RECQL5: variants seen among roughly 807,000 people sequenced by gnomAD.
The protein encoded by RECQL5 is RecQ like helicase 5.
A neutral mutation model predicts 103.4 loss-of-function variants in RECQL5; 88 were observed. That is an observed-to-expected ratio of 0.85 (90% CI 0.72 to 1.02). The LOEUF (loss-of-function observed/expected upper bound fraction) is 1.02, where lower values mean the gene tolerates loss of function less well. Among genes scored for constraint, RECQL5 ranks in the 50% least tolerant of loss-of-function variants. The probability of loss-of-function intolerance (pLI) is 0.00; values close to 1 mark genes in which losing one functional copy is unlikely to be tolerated. For synonymous variants in RECQL5, 552 were observed against 507.9 expected (o/e 1.09, Z -1.17); for missense variants, 1,232 against 1,284.3 (o/e 0.96, Z 0.62).
intron 8 of RECQL5, chr17:75,633,570 C>A: frequency 8.0e-7 from 1 of 1,255,534 alleles, no homozygotes; most frequent in Admixed American, 2.6e-5. Context: ...CAAGGGCCTC[C>A]CCAGGGACTG....
chr17:75,652,889 C>A (rs1345169267), intron 7 of RECQL5, among the ~76,000 whole-genome samples: 1 of 152,194 alleles, frequency 6.6e-6, no homozygotes, highest in Non-Finnish European at 1.5e-5. Context: ...CCCCCAAAGC[C>A]CCTCTCACAA....
At chr17:75,632,242 T>A (rs2059231541) in intron 8 of RECQL5, among the ~76,000 whole-genome samples, 1 of 152,238 alleles carries the variant, frequency 6.6e-6, no homozygotes, top group African/African-American at 2.4e-5. Context: ...GATATGTGAA[T>A]ACCACTGTGT....
intron 12 of RECQL5, 24 bp downstream of exon 12, chr17:75,630,755 G>A: frequency 6.3e-7 from 1 of 1,583,402 alleles, no homozygotes. Flanking sequence ...CCGGCGGGTG[G>A]CTGAGGAGCT....
chr17:75,631,117 G>T (rs910749607), intron 10 of RECQL5, 33 bp downstream of exon 10: 1 of 1,611,072 alleles, frequency 6.2e-7, no homozygotes, highest in African/African-American at 1.3e-5. Flanking sequence ...GCCACCAGGG[G>T]CCCCACACAG....
At chr17:75,659,355 C>T (rs2059669468) in intron 6 of RECQL5, among the ~76,000 whole-genome samples, 3 of 152,002 alleles carry the variant, frequency 2.0e-5, no homozygotes, top group South Asian at 2.1e-4. Context: ...CCACTGTGCC[C>T]GGCCTTGTTT....
chr17:75,666,729 A>T, intron 1 of RECQL5, 158 bp from the exon 2 acceptor site: 1 of 670,070 alleles, frequency 1.5e-6, no homozygotes, highest in Non-Finnish European at 2.5e-6. Flanking sequence ...TGCCTCAAGC[A>T]ATACATTCCT....
chr17:75,629,604 C>T (rs1465197990), intron 15 of RECQL5, 104 bp downstream of exon 15: 2 of 1,512,366 alleles, frequency 1.3e-6, no homozygotes, highest in Non-Finnish European at 8.9e-7. Context: ...CAGGCAGGAC[C>T]CTGGTGGGGA....
intron 10 of RECQL5, 42 bp downstream of exon 10, chr17:75,631,108 C>A (rs771032813): frequency 1.2e-6 from 2 of 1,609,740 alleles, no homozygotes; most frequent in Non-Finnish European, 1.7e-6. Context: ...GAGCAGGGGG[C>A]CACCAGGGGC....
At chr17:75,665,226 T>A in intron 2 of RECQL5, 54 bp from the exon 3 acceptor site, 1 of 1,534,720 alleles carries the variant, frequency 6.5e-7, no homozygotes, top group Non-Finnish European at 8.9e-7. Flanking sequence ...TTCATTGAAG[T>A]TGTTGAAAAT....
intron 8 of RECQL5, among the ~76,000 whole-genome samples, chr17:75,645,729 C>T (rs1362354998): frequency 3.9e-5 from 6 of 152,184 alleles, no homozygotes; most frequent in African/African-American, 9.7e-5. Context: ...TAGTTAAGAA[C>T]GACTGTTCTA....
At chr17:75,649,615 G>C (rs1166736493) in intron 8 of RECQL5, 4 of 985,368 alleles carry the variant, frequency 4.1e-6, no homozygotes, top group East Asian at 1.1e-4. Flanking sequence ...CTATTCTTAG[G>C]AAGCAAATAT....
At chr17:75,649,924 A>G (rs1355532663) in intron 8 of RECQL5, 1 of 985,426 alleles carries the variant, frequency 1.0e-6, no homozygotes, top group African/African-American at 1.7e-5. Flanking sequence ...AGGAGAAATG[A>G]AGGCAGAGGC....
intron 8 of RECQL5, chr17:75,646,181 G>C (rs1315892846): frequency 3.0e-3 from 1 of 332 alleles, no homozygotes; most frequent in Non-Finnish European, 0.015. Flanking sequence ...GAAGCCTCAG[G>C]GGGGGAGCAA....
Position 75,629,211 on chromosome 17 carries a change from C to T in RECQL5, c.2212G>A (p.Gly738Ser). ...PEKKAKSSSG[G>S]SSLAKGRASK... is the part of the protein sequence containing the mutation. ...GCCCGGCCCTTGGCAAGGGAGCTGC[C>T]CCCAGAGGAACTTTTTGCCTTCTTC... The change falls in exon 16 of 20, where the codon GGC (glycine) becomes AGC (serine). Residue 738 changes from glycine to serine, a missense_variant. By Grantham distance (56) the Gly-to-Ser change is moderately conservative (BLOSUM62 0). Coordinates refer to ENST00000317905, the MANE Select transcript of RECQL5 (RefSeq NM_004259.7). 1 of 1,613,328 alleles carries T rather than the reference C, an allele frequency of 6.2e-7. No homozygotes were observed. Among genetic ancestry groups the T allele is most frequent in the South Asian group, 1.1e-5 (1 of 91,078 alleles).
At position 75,630,232 on chromosome 17, in the gene RECQL5, G is replaced by A. The variant is rs867557060; in HGVS notation, c.1764C>T (p.Phe588=). The change falls in exon 14 of 20, where the codon TTC becomes TTT. Residue 588 remains phenylalanine, a synonymous_variant. Transcript: ENST00000317905. ...AGAGGTTGGCCACCTTGGCGTTCCG[G>A]AATGTCTCATGTTCCAGCTCCACGG... ...AKAVELEHET[F]RNAKVANLYK... is the part of the protein sequence containing the mutation. 6.4e-7 allele frequency: 1 copy of A among 1,561,692 alleles called. No homozygotes were observed. The highest frequency in any genetic ancestry group is 1.2e-5 in the South Asian group (1 of 84,670).
intron 8 of RECQL5, chr17:75,647,441 AG>A: frequency 6.5e-7 from 1 of 1,550,156 alleles, no homozygotes; most frequent in Non-Finnish European, 8.7e-7. Context: ...CCCTGGGACC[AG>A]GGGGGCCTGG....
intron 8 of RECQL5, among the ~76,000 whole-genome samples, chr17:75,635,289 C>T (rs1455109115): frequency 1.3e-5 from 2 of 152,140 alleles, no homozygotes; most frequent in Non-Finnish European, 2.9e-5. Flanking sequence ...GGGGTCGGGG[C>T]ACAGCGGTGA....
At chr17:75,639,083 G>A (rs1256829589) in intron 8 of RECQL5, 1 of 152,326 alleles carries the variant, frequency 6.6e-6, no homozygotes, top group Admixed American at 6.5e-5. Flanking sequence ...CAATTGCAGG[G>A]TGGAGGGCCC....
At chr17:75,647,557 G>C in intron 8 of RECQL5, 3 of 1,550,138 alleles carry the variant, frequency 1.9e-6, no homozygotes, top group African/African-American at 2.7e-5. Flanking sequence ...AGCGGGTGAA[G>C]AGGAGTGACC....
Sources: allele counts gnomAD v4.1 joint callset (sites outside exome capture counted in the v4.1 genomes callset), GRCh38; gene constraint gnomAD v4.1.1; transcripts MANE v1.5; gene names NCBI Gene and HGNC (gene_info 2026-07-23, HGNC 2026-07-21).